Variants in GDPD5 observed in about 807,000 individuals in gnomAD.
GDPD5 encodes the protein glycerophosphodiester phosphodiesterase domain containing 5, also known as glycerophosphodiester phosphodiesterase 2.
A neutral mutation model predicts 75.1 loss-of-function variants in GDPD5; 48 were observed. That is an observed-to-expected ratio of 0.64 (90% CI 0.51 to 0.81). GDPD5 has a LOEUF of 0.81. GDPD5 is among the 40% of genes least tolerant of loss of function. GDPD5 has a pLI of 0.00. For missense variants in GDPD5, 706 were observed against 822.6 expected (o/e 0.86, Z 1.73); for synonymous variants, 336 against 339.0 (o/e 0.99, Z 0.10).
At chr11:75,448,415 T>C in intron 9 of GDPD5, 1 of 922,486 alleles carries the variant, frequency 1.1e-6, no homozygotes, top group African/African-American at 1.8e-5. Flanking sequence ...TGGAAACTGT[T>C]GGGCCTCCCA....
At chr11:75,451,968 C>CA (rs1949170912) in intron 6 of GDPD5, 2 of 152,224 alleles carry the variant, frequency 1.3e-5, no homozygotes, top group African/African-American at 4.8e-5. Flanking sequence ...GGATGAATCC[C>CA]ACCCTAGAGG....
chr11:75,519,071 TC>T (rs1950701779), intron 1 of GDPD5, among the ~76,000 whole-genome samples: 1 of 152,104 alleles, frequency 6.6e-6, no homozygotes, highest in African/African-American at 2.4e-5. Flanking sequence ...AGCCCACACT[TC>T]CTCCCCACCT....
At chr11:75,496,272 G>A (rs1388753322) in intron 1 of GDPD5, among the ~76,000 whole-genome samples, 1 of 152,180 alleles carries the variant, frequency 6.6e-6, no homozygotes, top group Non-Finnish European at 1.5e-5. Flanking sequence ...ATTTTCCTCA[G>A]CCCCTGACAC....
rs772646386 is a variant in GDPD5, at chr11:75,449,892, G to T, written c.467C>A (p.Ser156Tyr). The change falls in exon 7 of 17, where the codon TCC becomes TAC. Residue 156 changes from serine (S) to tyrosine (Y), a missense_variant. Coordinates refer to ENST00000336898, the MANE Select transcript of GDPD5 (RefSeq NM_030792.8). ...WEDEWEVLLISLQGTAPFLHV... is the reference protein window; with the variant it reads ...WEDEWEVLLIYLQGTAPFLHV... ...GGGACCCTCCTCACTCACCTGCAGG[G>T]AGATCAGCAGCACCTCCCACTCGTC... 4 of 1,613,438 alleles carry T rather than the reference G, an allele frequency of 2.5e-6. No individual in the cohort carries two copies. Among genetic ancestry groups the T allele is most frequent in the Non-Finnish European group, 3.4e-6 (4 of 1,179,824 alleles).
At chr11:75,519,438 G>A (rs1950710189) in intron 1 of GDPD5, among the ~76,000 whole-genome samples, 1 of 152,162 alleles carries the variant, frequency 6.6e-6, no homozygotes, top group Admixed American at 6.5e-5. Context: ...ATTCCACGGA[G>A]CAGCTGCCCT....
chr11:75,441,106 G>C lies in GDPD5; in HGVS notation c.1473+57C>G, dbSNP rs1046574520. 10 of 1,570,630 alleles carry C rather than the reference G, an allele frequency of 6.4e-6. No homozygotes were observed. The Admixed American group carries it at 1.7e-4, about 26-fold the overall frequency. ...GCACAGAGCTTGCCGAGTGGTCAGG[G>C]CAGGCTATAGGCAGCTCCAGCACTG... On this transcript the variant is annotated intron_variant, in intron 14 of 16. Coordinates refer to ENST00000336898, the MANE Select transcript of GDPD5 (RefSeq NM_030792.8).
At chr11:75,448,763 A>G in intron 9 of GDPD5, 1 of 1,217,878 alleles carries the variant, frequency 8.2e-7, no homozygotes, top group Non-Finnish European at 1.0e-6. Context: ...GGCACTTAGG[A>G]CAAAACTGAA....
chr11:75,460,341 C>T lies in GDPD5; in HGVS notation c.221+2445G>A, dbSNP rs555535252. Among the ~76,000 whole-genome samples the T allele has an allele frequency of 1.5e-4, 23 of 152,084 alleles. 1 individual carries two copies. The South Asian group carries it at 4.8e-3, about 32-fold the overall frequency. On this transcript the variant is annotated intron_variant, in intron 4 of 16. Coordinates refer to ENST00000336898, the MANE Select transcript of GDPD5 (RefSeq NM_030792.8). ...GACAGAGTCTCACTCTGTTGCCCAGCCTGGAGTGCAGTGGTCTCCCAGCTA... is the reference window on the plus strand; with the variant it reads ...GACAGAGTCTCACTCTGTTGCCCAGTCTGGAGTGCAGTGGTCTCCCAGCTA...
chr11:75,483,479 A>G (rs1180189568), intron 2 of GDPD5, among the ~76,000 whole-genome samples: 1 of 152,140 alleles, frequency 6.6e-6, no homozygotes, highest in African/African-American at 2.4e-5. Flanking sequence ...CATAACTGCC[A>G]GGCCCACGCT....
At chr11:75,499,777 C>T (rs1480925674) in intron 1 of GDPD5, among the ~76,000 whole-genome samples, 1 of 152,130 alleles carries the variant, frequency 6.6e-6, no homozygotes, top group African/African-American at 2.4e-5. Flanking sequence ...AGCAGGCCAT[C>T]CACGTCCTGA....
intron 9 of GDPD5, among the ~76,000 whole-genome samples, chr11:75,444,959 G>A (rs528904320): frequency 6.6e-6 from 1 of 152,060 alleles, no homozygotes; most frequent in African/African-American, 2.4e-5. Context: ...ACAAGTCCAG[G>A]GGGGAGACCT....
intron 1 of GDPD5, among the ~76,000 whole-genome samples, chr11:75,494,110 T>C (rs1485298846): frequency 6.6e-6 from 1 of 152,162 alleles, no homozygotes; most frequent in Non-Finnish European, 1.5e-5. Context: ...TTAATTGTGA[T>C]GGGTATAGCT....
chr11:75,438,171 C>T (rs1355363147), intron 15 of GDPD5: 1 of 152,304 alleles, frequency 6.6e-6, no homozygotes, highest in Admixed American at 6.5e-5. Context: ...CCCTATGAAT[C>T]ATTGAGGGCA....
chr11:75,498,122 T>C (rs1950244280), intron 1 of GDPD5, among the ~76,000 whole-genome samples: 1 of 151,950 alleles, frequency 6.6e-6, no homozygotes, highest in Non-Finnish European at 1.5e-5. Context: ...CCCAGAGGCC[T>C]GAGTGGGGAG....
chr11:75,512,281 G>GACAC (rs145862089), intron 1 of GDPD5, among the ~76,000 whole-genome samples: 2,129 of 123,154 alleles, frequency 0.017, 56 homozygotes, highest in South Asian at 0.025. Flanking sequence ...AATTGGGAAG[G>GACAC]ACACACACAC....
intron 1 of GDPD5, among the ~76,000 whole-genome samples, chr11:75,494,972 A>T (rs943653593): frequency 6.6e-6 from 1 of 150,508 alleles, no homozygotes; most frequent in African/African-American, 2.4e-5. Context: ...ACAACAACAA[A>T]ATATATATAT....
intron 1 of GDPD5, among the ~76,000 whole-genome samples, chr11:75,509,524 T>C (rs1950471864): frequency 6.6e-6 from 1 of 152,216 alleles, no homozygotes; most frequent in African/African-American, 2.4e-5. Context: ...GACAAATGAA[T>C]ATTGTTAATG....
chr11:75,469,614 G>A (rs949467693), intron 3 of GDPD5, among the ~76,000 whole-genome samples: 1 of 152,218 alleles, frequency 6.6e-6, no homozygotes, highest in African/African-American at 2.4e-5. Flanking sequence ...CACAGGCTGC[G>A]CCAGAGCAGG....
chr11:75,512,281 G>GGGACACAC (rs566304066), intron 1 of GDPD5, among the ~76,000 whole-genome samples: 1 of 123,176 alleles, frequency 8.1e-6, no homozygotes, highest in East Asian at 2.6e-4. Flanking sequence ...AATTGGGAAG[G>GGGACACAC]ACACACACAC....
Sources: gnomAD v4.1 joint callset for allele counts (sites outside exome capture counted in the v4.1 genomes callset) on GRCh38, gnomAD v4.1.1 for gene constraint, MANE v1.5 for transcripts, NCBI Gene and HGNC (gene_info 2026-07-23, HGNC 2026-07-21) for gene names.